The following NAV2 variants were observed in gnomAD, a reference collection of about 807,000 sequenced individuals.
NAV2 encodes the protein helicase, APC down-regulated 1.
In NAV2, 54 loss-of-function variants were observed where a neutral mutation model predicts 223.2. The ratio of observed to expected loss-of-function variants is 0.24; its 90% confidence interval spans 0.19 to 0.30. The LOEUF (loss-of-function observed/expected upper bound fraction) is 0.30. Ranked by LOEUF, NAV2 falls within the 10% of genes least tolerant of loss-of-function variation. The probability of loss-of-function intolerance (pLI) is 1.00; values close to 1 mark genes in which losing one functional copy is unlikely to be tolerated. For missense variants in NAV2, 2,806 were observed against 3,147.5 expected (o/e 0.89, Z 2.60); for synonymous variants, 1,279 against 1,239.3 (o/e 1.03, Z -0.67).
At chr11:19,422,030 G>A (rs1850636452) in intron 1 of NAV2, among the ~76,000 whole-genome samples, 1 of 152,130 alleles carries the variant, frequency 6.6e-6, no homozygotes, top group African/African-American at 2.4e-5. Flanking sequence ...GTTGTTATAA[G>A]GCTTAGAAGA....
chr11:19,710,888 CTT>C (rs1590130022), upstream of NAV2: 1 of 152,340 alleles, frequency 6.6e-6, no homozygotes, highest in East Asian at 1.9e-4. Context: ...CTGTCCACAG[CTT>C]TATGCTCCAT....
intron 4 of NAV2, among the ~76,000 whole-genome samples, chr11:19,871,461 T>G (rs780776985): frequency 6.6e-6 from 1 of 152,160 alleles, no homozygotes; most frequent in Non-Finnish European, 1.5e-5. Flanking sequence ...AGCAGAGTTC[T>G]GCTGCTGGGG....
At chr11:19,970,445 A>G (rs1282053888) in intron 10 of NAV2, among the ~76,000 whole-genome samples, 2 of 152,194 alleles carry the variant, frequency 1.3e-5, no homozygotes, top group African/African-American at 4.8e-5. Context: ...CTGAGATTAC[A>G]GGCACTGCAC....
At chr11:19,359,370 G>A (rs16936593) in intron 1 of NAV2, among the ~76,000 whole-genome samples, 2,459 of 152,210 alleles carry the variant, frequency 0.016, 68 homozygotes, top group African/African-American at 0.055. Context: ...GAATTTCCAC[G>A]GGTCCATGGT....
intron 1 of NAV2, among the ~76,000 whole-genome samples, chr11:19,480,459 T>A (rs76220282): frequency 0.034 from 5,183 of 152,276 alleles, 131 homozygotes; most frequent in Non-Finnish European, 0.052. Context: ...ATTTGCCAAC[T>A]TCAGTCAGAG....
At chr11:19,927,700 A>T (rs955291060) in intron 6 of NAV2, among the ~76,000 whole-genome samples, 3 of 151,152 alleles carry the variant, frequency 2.0e-5, no homozygotes, top group Non-Finnish European at 4.4e-5. Flanking sequence ...AAACAAAACA[A>T]AACAAAACAA....
chr11:19,604,371 A>C (rs1436290603), intron 1 of NAV2, among the ~76,000 whole-genome samples: 2 of 151,976 alleles, frequency 1.3e-5, no homozygotes, highest in Admixed American at 1.3e-4. Flanking sequence ...AGTTGATAGG[A>C]TTTATTAATG....
At chr11:19,467,545 G>C (rs1045405374) in intron 1 of NAV2, among the ~76,000 whole-genome samples, 2 of 152,228 alleles carry the variant, frequency 1.3e-5, no homozygotes, top group Non-Finnish European at 2.9e-5. Context: ...TGGATGGACA[G>C]ATGTTTTTCC....
chr11:19,400,226 G>T (rs971664296), intron 1 of NAV2, among the ~76,000 whole-genome samples: 1 of 152,162 alleles, frequency 6.6e-6, no homozygotes, highest in Admixed American at 6.5e-5. Flanking sequence ...TGGAAAATCC[G>T]ACGTGGTGTG....
rs559423379 is a variant in NAV2 at position 19,985,570 on chromosome 11, GTTGT to G, written c.2768+1342_2768+1345del. ...AAAAAGTTTTTTTTGTTTTTTTGTT[GTTGT>G]TTGTTTGTTTGTTTGTTTTTGAGAC... On this transcript the variant is annotated intron_variant, in intron 11 of 37. Transcript: ENST00000349880. 5.3e-4 allele frequency among the ~76,000 whole-genome samples: 78 copies of G among 145,894 alleles called. 1 individual carries two copies. The highest frequency in any genetic ancestry group is 1.8e-3 in the Admixed American group (26 of 14,772).
Position 19,933,143 on chromosome 11 carries a change from A to G in NAV2, c.932-33A>G. On this transcript the variant is annotated intron_variant, in intron 6 of 37. Coordinates refer to ENST00000349880, the MANE Select transcript of NAV2 (RefSeq NM_145117.5). The surrounding 1 kb of genome is among the most constrained non-coding windows in gnomAD (Gnocchi z 4.3). ...TGGTCTTCAGTGCAGGTCAACAAGT[A>G]TGATTCAGGCCTCCTCTCTTCTGTC... is the stretch of plus-strand genomic sequence containing the variant. The G allele has an allele frequency of 6.7e-7, 1 of 1,485,744 alleles. No homozygotes were observed. Among genetic ancestry groups the G allele is most frequent in the Non-Finnish European group, 9.0e-7 (1 of 1,115,718 alleles). The allele number at this position is 1,485,744 out of a possible 1,614,324, so 92.0% of individuals were successfully genotyped here. A position where few individuals can be genotyped will look rare whatever the true frequency, so the allele number is the denominator to read the frequency against.
In NAV2 at chr11:19,764,850, G is replaced by A. The variant is rs141111244; in HGVS notation, c.267+50888G>A. Among the ~76,000 whole-genome samples, 984 of 152,228 alleles carry A rather than the reference G, an allele frequency of 6.5e-3. 13 individuals are homozygous for A. The highest frequency in any genetic ancestry group is 6.7e-3 in the Non-Finnish European group (458 of 68,028). ...TTAGTCTTCTGCATCTTTGTCAGTG[G>A]CAGCAACACCTGCCCAGTTGTTCAA... On this transcript the variant is annotated intron_variant, in intron 1 of 37. Coordinates refer to ENST00000349880, the MANE Select transcript of NAV2 (RefSeq NM_145117.5).
At chr11:19,495,589 C>T (rs1236268785) in intron 1 of NAV2, among the ~76,000 whole-genome samples, 1 of 152,178 alleles carries the variant, frequency 6.6e-6, no homozygotes, top group Non-Finnish European at 1.5e-5. Context: ...TCCATCCATT[C>T]ATTCAGCAAG....
At chr11:19,932,813 A>G (rs2045502237) in intron 6 of NAV2, among the ~76,000 whole-genome samples, 1 of 152,108 alleles carries the variant, frequency 6.6e-6, no homozygotes, top group South Asian at 2.1e-4. Flanking sequence ...ATTCTTTCCC[A>G]TAATTGGGAA....
Position 20,101,055 on chromosome 11 carries a change from C to T in NAV2, c.6300C>T (p.Ser2100=), listed in dbSNP as rs575545247. The T allele has an allele frequency of 1.3e-5, 21 of 1,614,056 alleles. No individual in the cohort carries two copies. Among genetic ancestry groups the T allele is most frequent in the Middle Eastern group, 1.6e-4 (1 of 6,062 alleles). Residue 2100 remains serine (S), a synonymous_variant, in exon 32 of 38, where the codon AGC becomes AGT. Coordinates refer to ENST00000349880, the MANE Select transcript of NAV2 (RefSeq NM_145117.5). ...GTCGGATCATTCTCTCTGGCCCCAG[C>T]GGCACTGGGAAAACCTACCTGGCCA... The part of the protein sequence containing the change: ...EHRRIILSGP[S]GTGKTYLANR...
At chr11:19,640,847 A>C (rs752920372) in intron 1 of NAV2, among the ~76,000 whole-genome samples, 9 of 152,166 alleles carry the variant, frequency 5.9e-5, no homozygotes, top group Non-Finnish European at 1.2e-4. Flanking sequence ...TTGTGAAGGG[A>C]CATTGTGGCA....
At chr11:19,523,952 TAAG>T (rs1265770149) in intron 1 of NAV2, among the ~76,000 whole-genome samples, 1 of 152,216 alleles carries the variant, frequency 6.6e-6, no homozygotes, top group Non-Finnish European at 1.5e-5. Flanking sequence ...GGTCTTCCTT[TAAG>T]ATTTAGCCCA....
At chr11:19,992,366 A>G (rs1056096114) in intron 11 of NAV2, among the ~76,000 whole-genome samples, 3 of 152,230 alleles carry the variant, frequency 2.0e-5, no homozygotes, top group African/African-American at 7.2e-5. Flanking sequence ...GAATTCTACC[A>G]GGGGGTTATA....
At chr11:20,077,666 T>C (rs764353730) in intron 23 of NAV2, 31 bp downstream of exon 23, 1 of 1,525,764 alleles carries the variant, frequency 6.6e-7, no homozygotes, top group South Asian at 1.1e-5. Flanking sequence ...TAACCCTCCC[T>C]ACTTGGAGTT....
Sources: allele counts gnomAD v4.1 joint callset (sites outside exome capture counted in the v4.1 genomes callset), GRCh38; gene constraint gnomAD v4.1.1; non-coding constraint Gnocchi (gnomAD v3.1); transcripts MANE v1.5; gene names NCBI Gene and HGNC (gene_info 2026-07-23, HGNC 2026-07-21).